The following MARCHF1 variants were observed in gnomAD, a reference collection of about 807,000 sequenced individuals.
MARCHF1 encodes membrane associated ring-CH-type finger 1, also known as E3 ubiquitin-protein ligase MARCHF1.
Under a neutral mutation model 54.2 loss-of-function variants are expected in MARCHF1, and 40 were observed. The ratio of observed to expected loss-of-function variants is 0.74; its 90% CI spans 0.57 to 0.96. The LOEUF (loss-of-function observed/expected upper bound fraction) is 0.96, where lower values mean the gene tolerates loss of function less well. Among genes scored for constraint, MARCHF1 ranks in the 40% least tolerant of loss-of-function variants. The probability of loss-of-function intolerance (pLI) is 0.00; values close to 1 mark genes in which losing one functional copy is unlikely to be tolerated. For missense variants in MARCHF1, 586 were observed against 656.5 expected (o/e 0.89, Z 1.17); for synonymous variants, 236 against 236.3 (o/e 1.00, Z 0.01).
chr4:164,169,314 T>G (rs1452315529), intron 1 of MARCHF1, among the ~76,000 whole-genome samples: 1 of 152,112 alleles, frequency 6.6e-6, no homozygotes, highest in East Asian at 1.9e-4. Context: ...CTTCCTGTAT[T>G]TCTCCTGACA....
intron 3 of MARCHF1, among the ~76,000 whole-genome samples, chr4:163,925,781 ATTAG>A (rs1751524132): frequency 6.6e-6 from 1 of 151,756 alleles, no homozygotes; most frequent in Non-Finnish European, 1.5e-5. Context: ...TAGCTGAATT[ATTAG>A]TTAATAACAT....
At chr4:163,665,924 T>C (rs1459216013) in intron 5 of MARCHF1, among the ~76,000 whole-genome samples, 1 of 152,182 alleles carries the variant, frequency 6.6e-6, no homozygotes, top group Non-Finnish European at 1.5e-5. Flanking sequence ...CTGAGGAGGA[T>C]ACTGTACCCA....
At chr4:164,108,534 C>G (rs1375387979) in intron 2 of MARCHF1, among the ~76,000 whole-genome samples, 2 of 151,862 alleles carry the variant, frequency 1.3e-5, no homozygotes, top group Non-Finnish European at 2.9e-5. Context: ...ACTGGAATCC[C>G]ACATTTAATT....
chr4:164,078,806 T>G (rs2111108272), intron 2 of MARCHF1, among the ~76,000 whole-genome samples: 1 of 152,114 alleles, frequency 6.6e-6, no homozygotes, highest in East Asian at 1.9e-4. Context: ...AAATCACAAC[T>G]ATACCTAATG....
chr4:163,647,712 T>C (rs1742811953), intron 5 of MARCHF1, among the ~76,000 whole-genome samples: 1 of 151,528 alleles, frequency 6.6e-6, no homozygotes, highest in African/African-American at 2.4e-5. Context: ...TTGAGACAAA[T>C]GAAAATAGAA....
intron 1 of MARCHF1, among the ~76,000 whole-genome samples, chr4:164,321,485 T>TAA (rs11464992): frequency 6.3e-4 from 91 of 145,444 alleles, no homozygotes; most frequent in Admixed American, 1.6e-3. Flanking sequence ...ACACCAAGGA[T>TAA]AAAAAAAAAA....
chr4:163,717,535 T>C (rs1207851628), intron 4 of MARCHF1, among the ~76,000 whole-genome samples: 1 of 152,132 alleles, frequency 6.6e-6, no homozygotes, highest in Non-Finnish European at 1.5e-5. Flanking sequence ...CTGGGTCAAA[T>C]GGTATTTCTA....
intron 3 of MARCHF1, among the ~76,000 whole-genome samples, chr4:163,888,345 C>T (rs998724353): frequency 9.9e-5 from 15 of 152,090 alleles, no homozygotes; most frequent in African/African-American, 3.6e-4. Flanking sequence ...TCTTATTAGA[C>T]ATGGAAACAA....
rs187208420 is a variant in MARCHF1 at position 164,080,832 on chromosome 4, G to A, written c.-248+30756C>T. ...CAAGTTACTTTCAGGGGGAAAAATA[G>A]AAAAAGTCAATCCAGTTATTCTTGG... On this transcript the variant is annotated intron_variant, in intron 2 of 9. Transcript: ENST00000514618. Among the ~76,000 whole-genome samples, 76 of 152,146 alleles carry A rather than the reference G, an allele frequency of 5.0e-4. No homozygotes were observed. In the Middle Eastern group the frequency reaches 0.01, roughly 21 times the overall value.
intron 5 of MARCHF1, among the ~76,000 whole-genome samples, chr4:163,676,894 G>T (rs993068593): frequency 2.0e-5 from 3 of 151,810 alleles, no homozygotes; most frequent in African/African-American, 7.3e-5. Context: ...GATTAAAAAA[G>T]ATTTGACAAC....
At chr4:164,051,819 AATAG>A (rs1280292978) in intron 2 of MARCHF1, among the ~76,000 whole-genome samples, 13 of 152,234 alleles carry the variant, frequency 8.5e-5, no homozygotes, top group Non-Finnish European at 4.4e-5. Context: ...GTTAGCACAG[AATAG>A]ATAGAGATTT....
chr4:164,118,754 C>G (rs1303330496), intron 1 of MARCHF1, among the ~76,000 whole-genome samples: 1 of 151,144 alleles, frequency 6.6e-6, no homozygotes, highest in East Asian at 1.9e-4. Context: ...GCTAAACAAA[C>G]ATAGTAGCTT....
chr4:163,800,832 G>C (rs952392786), intron 4 of MARCHF1, among the ~76,000 whole-genome samples: 1 of 152,046 alleles, frequency 6.6e-6, no homozygotes, highest in Non-Finnish European at 1.5e-5. Context: ...CTTCCATCAG[G>C]GGAAAGACAC....
chr4:164,134,850 TAA>T (rs5863662), intron 1 of MARCHF1, among the ~76,000 whole-genome samples: 2 of 145,752 alleles, frequency 1.4e-5, no homozygotes, highest in African/African-American at 2.5e-5. Context: ...TCAGTCTTAG[TAA>T]AAAAAAAAAA....
At chr4:163,887,427 C>A (rs973227472) in intron 3 of MARCHF1, among the ~76,000 whole-genome samples, 22 of 151,970 alleles carry the variant, frequency 1.4e-4, no homozygotes, top group Non-Finnish European at 2.2e-4. Context: ...AGAAAAGAGG[C>A]AAGTGTCCCA....
chr4:164,233,489 C>T (rs991514594), intron 1 of MARCHF1, among the ~76,000 whole-genome samples: 6 of 152,116 alleles, frequency 3.9e-5, no homozygotes, highest in Admixed American at 3.9e-4. Flanking sequence ...CTATTCATCT[C>T]CCCTCTTACA....
intron 2 of MARCHF1, among the ~76,000 whole-genome samples, chr4:164,072,126 G>T (rs183888268): frequency 1.8e-4 from 28 of 152,212 alleles, no homozygotes; most frequent in African/African-American, 5.5e-4. Context: ...AAAAGTCATG[G>T]CTCCTTCGCC....
At chr4:163,803,653 G>C (rs1400982938) in intron 4 of MARCHF1, among the ~76,000 whole-genome samples, 3 of 152,112 alleles carry the variant, frequency 2.0e-5, no homozygotes, top group African/African-American at 7.2e-5. Flanking sequence ...AGGTAGTAGG[G>C]ATTTTTACCT....
intron 2 of MARCHF1, among the ~76,000 whole-genome samples, chr4:164,025,690 C>A (rs13137769): frequency 6.7e-6 from 1 of 150,228 alleles, no homozygotes; most frequent in Non-Finnish European, 1.5e-5. Flanking sequence ...AACCAGCCAA[C>A]CCCAAAGCTA....
Sources: allele counts gnomAD v4.1 joint callset (sites outside exome capture counted in the v4.1 genomes callset), GRCh38; gene constraint gnomAD v4.1.1; transcripts MANE v1.5; gene names NCBI Gene and HGNC (gene_info 2026-07-23, HGNC 2026-07-21).